Variants in DDX10 observed in about 807,000 individuals in gnomAD.
DDX10 encodes probable ATP-dependent RNA helicase DDX10.
A neutral mutation model predicts 104.3 loss-of-function variants in DDX10; 74 were observed. The observed-to-expected ratio is 0.71, with a 90% CI of 0.59 to 0.86. The LOEUF (loss-of-function observed/expected upper bound fraction) is 0.86. Among genes scored for constraint, DDX10 ranks in the 40% least tolerant of loss-of-function variants. The probability of loss-of-function intolerance (pLI) is 0.00; values close to 1 mark genes in which losing one functional copy is unlikely to be tolerated. For synonymous variants in DDX10, 351 were observed against 353.4 expected (o/e 0.99, Z 0.08); for missense variants, 952 against 1,040.0 (o/e 0.92, Z 1.16).
rs543677181 is a variant in DDX10 at position 108,927,918 on chromosome 11, C to T, written c.2450+9900C>T. On this transcript the variant is annotated intron_variant, in intron 17 of 17. Transcript: ENST00000322536. ...CCTCCCAAAGTGCAGGGATTATAGG[C>T]GTGAGCCACCGTGCCCAGCTGGAAC... 3.0e-4 allele frequency among the ~76,000 whole-genome samples: 46 copies of T among 152,306 alleles called. No homozygotes were observed. In the South Asian group the frequency reaches 5.0e-3, roughly 16 times the overall value.
intron 16 of DDX10, among the ~76,000 whole-genome samples, chr11:108,884,588 G>A (rs1393003370): frequency 3.3e-5 from 5 of 152,100 alleles, no homozygotes; most frequent in Admixed American, 6.6e-5. Flanking sequence ...GCACTGGATC[G>A]TATCTCAGCT....
Position 108,896,001 on chromosome 11 carries a change from G to A in DDX10, c.2305-21872G>A, listed in dbSNP as rs114352344. On this transcript the variant is annotated intron_variant, in intron 16 of 17. Coordinates refer to ENST00000322536, the MANE Select transcript of DDX10 (RefSeq NM_004398.4). ...ACTATTTACCAAGCAGGACTGGAAT[G>A]TTTGTATACATCGTGCCACCCAAAT... Among the ~76,000 whole-genome samples the A allele has an allele frequency of 2.8e-3, 433 of 152,208 alleles. 2 individuals are homozygous for A. The highest frequency in any genetic ancestry group is 9.1e-3 in the African/African-American group (377 of 41,556).
At chr11:108,674,720 C>T (rs1271993273) in intron 2 of DDX10, among the ~76,000 whole-genome samples, 3 of 151,994 alleles carry the variant, frequency 2.0e-5, no homozygotes, top group Non-Finnish European at 2.9e-5. Context: ...GCCATGTTGC[C>T]CAGGCTAGTC....
chr11:108,838,377 A>G (rs1862585633), intron 13 of DDX10, 69 bp from the exon 14 acceptor site: 3 of 1,518,072 alleles, frequency 2.0e-6, no homozygotes, highest in South Asian at 1.3e-5. Flanking sequence ...GTATATTGCC[A>G]GAGTTGGATT....
Position 108,689,883 on chromosome 11 carries a change from C to T in DDX10, c.975+821C>T, listed in dbSNP as rs1361233315. Among the ~76,000 whole-genome samples, 7 of 152,140 alleles carry T rather than the reference C, an allele frequency of 4.6e-5. No homozygotes were observed. In the East Asian group the frequency reaches 5.8e-4, roughly 13 times the overall value. On this transcript the variant is annotated intron_variant, in intron 7 of 17. Coordinates refer to ENST00000322536, the MANE Select transcript of DDX10 (RefSeq NM_004398.4). ...AGCTTATGGGAAGTTAAGTGGTGAT[C>T]TGATGCTGTTGTCTACTGAACCTTA...
intron 17 of DDX10, among the ~76,000 whole-genome samples, chr11:108,932,564 C>T (rs1254349588): frequency 6.6e-6 from 1 of 152,032 alleles, no homozygotes; most frequent in Non-Finnish European, 1.5e-5. Context: ...AAGATGGTTT[C>T]CACATTCTCT....
chr11:108,905,069 A>T (rs2134651890), intron 16 of DDX10, among the ~76,000 whole-genome samples: 1 of 151,972 alleles, frequency 6.6e-6, no homozygotes, highest in South Asian at 2.1e-4. Context: ...CTGCCCGTGG[A>T]CTCTTTGAAA....
chr11:108,910,728 C>CGTGTGTGTGT (rs56191738), intron 16 of DDX10, among the ~76,000 whole-genome samples: 8 of 127,664 alleles, frequency 6.3e-5, no homozygotes, highest in African/African-American at 1.5e-4. Flanking sequence ...AGCGTGCATG[C>CGTGTGTGTGT]GTGTGTGTGT....
chr11:108,684,322 G>A (rs1159857565), intron 6 of DDX10, among the ~76,000 whole-genome samples: 1 of 149,544 alleles, frequency 6.7e-6, no homozygotes, highest in Admixed American at 6.7e-5. Flanking sequence ...CTAGCATTAG[G>A]TATATCTCCC....
intron 13 of DDX10, among the ~76,000 whole-genome samples, chr11:108,800,275 CAAAAAAAA>C (rs5794604): frequency 9.4e-6 from 1 of 106,238 alleles, no homozygotes; most frequent in African/African-American, 3.7e-5. Flanking sequence ...ACTAAAAATA[CAAAAAAAA>C]AAAAAAAAAA....
intron 16 of DDX10, among the ~76,000 whole-genome samples, chr11:108,905,169 C>T (rs1863573218): frequency 6.6e-6 from 1 of 152,026 alleles, no homozygotes. Flanking sequence ...CTTCCAGGAA[C>T]CCCAGGTTAA....
chr11:108,828,008 A>C (rs1183850575), intron 13 of DDX10, among the ~76,000 whole-genome samples: 1 of 152,214 alleles, frequency 6.6e-6, no homozygotes, highest in East Asian at 1.9e-4. Flanking sequence ...ATGTACAACC[A>C]ATCTCCAGAA....
intron 13 of DDX10, among the ~76,000 whole-genome samples, chr11:108,738,647 T>C (rs2094321254): frequency 6.6e-6 from 1 of 152,200 alleles, no homozygotes; most frequent in South Asian, 2.1e-4. Flanking sequence ...TTTCTCTGCC[T>C]ACCCCAAGCC....
chr11:108,709,363 T>C (rs1363943712), intron 10 of DDX10, among the ~76,000 whole-genome samples: 1 of 152,252 alleles, frequency 6.6e-6, no homozygotes, highest in Non-Finnish European at 1.5e-5. Flanking sequence ...TATAGGAAAT[T>C]GGCATTTCTT....
At chr11:108,846,410 CT>C (rs1453092154) in intron 15 of DDX10, among the ~76,000 whole-genome samples, 6 of 151,994 alleles carry the variant, frequency 3.9e-5, no homozygotes, top group African/African-American at 1.2e-4. Flanking sequence ...AACATCTTCC[CT>C]TTGCCCATCT....
intron 6 of DDX10, among the ~76,000 whole-genome samples, chr11:108,687,256 G>A (rs992227210): frequency 1.3e-5 from 2 of 152,142 alleles, no homozygotes; most frequent in Non-Finnish European, 2.9e-5. Flanking sequence ...GTGACATATC[G>A]TTATTTTAAT....
At chr11:108,882,413 G>A (rs542428352) in intron 16 of DDX10, among the ~76,000 whole-genome samples, 113 of 152,268 alleles carry the variant, frequency 7.4e-4, no homozygotes, top group African/African-American at 2.7e-3. Flanking sequence ...TCTCAGAAAT[G>A]GAGGCAGTGG....
At chr11:108,675,820 T>G in intron 3 of DDX10, 94 bp downstream of exon 3, 1 of 1,460,152 alleles carries the variant, frequency 6.8e-7, no homozygotes, top group Non-Finnish European at 9.4e-7. Context: ...GTTTTCATGT[T>G]AGATTTCATG....
intron 13 of DDX10, among the ~76,000 whole-genome samples, chr11:108,813,626 A>T (rs1365347747): frequency 6.6e-6 from 1 of 152,176 alleles, no homozygotes; most frequent in Non-Finnish European, 1.5e-5. Flanking sequence ...ATTTCATGTT[A>T]AAGTTGAACA....
Sources: allele counts gnomAD v4.1 joint callset (sites outside exome capture counted in the v4.1 genomes callset), GRCh38; gene constraint gnomAD v4.1.1; transcripts MANE v1.5; gene names NCBI Gene and HGNC (gene_info 2026-07-23, HGNC 2026-07-21).